EDNRA: variants seen among roughly 807,000 people sequenced by gnomAD.
The protein encoded by EDNRA is endothelin-1 receptor.
EDNRA carries 11 observed loss-of-function variants against 41.4 expected under a neutral mutation model. The ratio of observed to expected loss-of-function variants is 0.27; its 90% confidence interval spans 0.17 to 0.44. EDNRA has a LOEUF of 0.44. Among genes scored for constraint, EDNRA ranks in the 20% least tolerant of loss-of-function variants. The pLI, the probability that EDNRA is intolerant of heterozygous loss-of-function variation, is 1.00. For synonymous variants in EDNRA, 172 were observed against 183.0 expected, an observed-to-expected ratio of 0.94 and a Z score of 0.49; for missense variants, 294 against 531.0, an observed-to-expected ratio of 0.55 and a Z score of 4.39.
At chr4:147,481,597 G>A (rs1560888481) in intron 1 of EDNRA, among the ~76,000 whole-genome samples, 1 of 152,252 alleles carries the variant, frequency 6.6e-6, no homozygotes, top group Non-Finnish European at 1.5e-5. Flanking sequence ...CTGCGGACAC[G>A]TGTAGAGTTC....
At chr4:147,535,748 G>GC in intron 4 of EDNRA, 129 bp from the exon 5 acceptor site, 1 of 1,180,488 alleles carries the variant, frequency 8.5e-7, no homozygotes, top group South Asian at 1.6e-5. Context: ...ACCCATCACT[G>GC]CAACCAGAGA....
At chr4:147,481,966 G>A (rs1728776360) in intron 1 of EDNRA, among the ~76,000 whole-genome samples, 2 of 152,178 alleles carry the variant, frequency 1.3e-5, no homozygotes, top group South Asian at 2.1e-4. Context: ...TGCTTCTCAC[G>A]TGCAGAAAAC....
rs1731210660 is a variant in EDNRA at position 147,544,146 on chromosome 4, C to T, written c.*1528C>T. 1.3e-5 allele frequency: 2 copies of T among 152,608 alleles called. No homozygotes were observed. Among genetic ancestry groups the T allele is most frequent in the African/African-American group, 4.8e-5 (2 of 41,426 alleles). 9.5% of individuals were successfully genotyped at this position (152,608 alleles called of 1,614,324 possible). ...TGTGCCCCGCAGTTGTGCCAAAGTGCATAGTCTGAGTAAAATCTAGGTGAT... is the reference window on the plus strand; with the variant it reads ...TGTGCCCCGCAGTTGTGCCAAAGTGTATAGTCTGAGTAAAATCTAGGTGAT... On this transcript the variant is annotated 3_prime_UTR_variant, in exon 8 of 8. Coordinates refer to ENST00000651419, the MANE Select transcript of EDNRA (RefSeq NM_001957.4).
At chr4:147,504,447 C>T (rs1382313405) in intron 2 of EDNRA, among the ~76,000 whole-genome samples, 2 of 152,034 alleles carry the variant, frequency 1.3e-5, no homozygotes, top group Non-Finnish European at 2.9e-5. Flanking sequence ...TATCAAAAAA[C>T]TACATTCGTT....
intron 2 of EDNRA, among the ~76,000 whole-genome samples, chr4:147,517,458 G>GA (rs1171378701): frequency 6.6e-6 from 1 of 152,176 alleles, no homozygotes; most frequent in East Asian, 1.9e-4. Flanking sequence ...AGAGGAAAAG[G>GA]AAAAGAGGGG....
intron 2 of EDNRA, among the ~76,000 whole-genome samples, chr4:147,510,293 T>A (rs575773517): frequency 3.9e-5 from 6 of 152,216 alleles, no homozygotes; most frequent in Non-Finnish European, 7.3e-5. Context: ...CACTGTAGGC[T>A]GATTGTATTA....
chr4:147,535,322 G>T (rs1196179656), intron 4 of EDNRA, among the ~76,000 whole-genome samples: 1 of 152,146 alleles, frequency 6.6e-6, no homozygotes, highest in African/African-American at 2.4e-5. Flanking sequence ...AGCTATTGAA[G>T]TTCAAAGCGG....
chr4:147,508,637 A>G (rs1729813871), intron 2 of EDNRA, among the ~76,000 whole-genome samples: 1 of 152,198 alleles, frequency 6.6e-6, no homozygotes, highest in Non-Finnish European at 1.5e-5. Flanking sequence ...ATTTTTGTGT[A>G]TGATATGAGG....
At position 147,485,870 on chromosome 4, in the gene EDNRA, C is replaced by G; in HGVS notation, c.189C>G (p.Gly63=). 1 of 1,614,260 alleles carries G rather than the reference C, an allele frequency of 6.2e-7. No individual in the cohort carries two copies. Among genetic ancestry groups the G allele is most frequent in the Non-Finnish European group, 8.5e-7 (1 of 1,180,034 alleles). The change falls in exon 2 of 8, where the codon GGC becomes GGG. Residue 63 remains glycine (G), a synonymous_variant. Transcript: ENST00000651419. ...QPTNLVLPSN[G]SMHNYCPQQT... ...CTAATTTGGTCCTACCCAGCAATGG[C>G]TCAATGCACAACTATTGCCCACAGC... is the stretch of plus-strand genomic sequence containing the variant.
chr4:147,512,221 G>C (rs1455783425), intron 2 of EDNRA, among the ~76,000 whole-genome samples: 1 of 152,194 alleles, frequency 6.6e-6, no homozygotes, highest in African/African-American at 2.4e-5. Flanking sequence ...TTATTAAAAA[G>C]AGATATTCCT....
In EDNRA at chr4:147,486,030, G is replaced by A. The variant is rs374053080; in HGVS notation, c.349G>A (p.Ala117Thr). Reference protein sequence around the residue: ...QNKCMRNGPNALIASLALGDL... With the variant: ...QNKCMRNGPNTLIASLALGDL... ...CAAATGTATGAGGAATGGCCCCAAC[G>A]CGCTGATAGCCAGTCTTGCCCTTGG... The change falls in exon 2 of 8, where the codon GCG becomes ACG. Residue 117 changes from alanine (A) to threonine (T), a missense_variant. Physicochemically the swap from Ala to Thr is moderately conservative, Grantham distance 58. Transcript: ENST00000651419. This position sits in a 1 kb window ranked among gnomAD's most constrained non-coding sequence, Gnocchi z 4.3. 8.1e-6 allele frequency: 13 copies of A among 1,614,096 alleles called. No individual in the cohort carries two copies. In the Admixed American group the frequency reaches 1.0e-4, roughly 12 times the overall value.
rs1439161472 is a variant in EDNRA, at chr4:147,543,700, A to C, written c.*1082A>C. ...CTCCTATTCTCTTAATTTTTCTTAAAATGTTAACTGGCAGTAAGTCTTTTT... is the reference window on the plus strand; with the variant it reads ...CTCCTATTCTCTTAATTTTTCTTAACATGTTAACTGGCAGTAAGTCTTTTT... On this transcript the variant is annotated 3_prime_UTR_variant, in exon 8 of 8. Transcript: ENST00000651419. The C allele has an allele frequency of 6.6e-6, 1 of 152,584 alleles. No homozygotes were observed. Among genetic ancestry groups the C allele is most frequent in the East Asian group, 1.9e-4 (1 of 5,198 alleles). The allele number at this position is 152,584 out of a possible 1,614,324, so 9.5% of individuals were successfully genotyped here.
intron 2 of EDNRA, among the ~76,000 whole-genome samples, chr4:147,515,703 G>C (rs1182852660): frequency 6.6e-6 from 1 of 152,042 alleles, no homozygotes; most frequent in East Asian, 1.9e-4. Flanking sequence ...TTACTTTCTG[G>C]TTGTCAGGTA....
intron 3 of EDNRA, 108 bp downstream of exon 3, chr4:147,520,086 T>C: frequency 7.3e-7 from 1 of 1,372,584 alleles, no homozygotes; most frequent in Non-Finnish European, 9.9e-7. Context: ...TTGATTAGCT[T>C]CAAGTGAATT....
At chr4:147,494,361 G>T (rs1238887185) in intron 2 of EDNRA, 1 of 152,232 alleles carries the variant, frequency 6.6e-6, no homozygotes, top group Non-Finnish European at 1.5e-5. Flanking sequence ...GGAAAAGAGA[G>T]TGGAAAGAAG....
rs902173380 is a variant in EDNRA, at chr4:147,543,869, C to T, written c.*1251C>T. 6.6e-6 allele frequency: 1 copy of T among 152,552 alleles called. No homozygotes were observed. 9.4% of individuals were successfully genotyped at this position (152,552 alleles called of 1,614,324 possible). ...GGGTTTTCAGTATGAACCTAACTCC[C>T]CACCCCAACATCTCCCTCCCACATT... On this transcript the variant is annotated 3_prime_UTR_variant, in exon 8 of 8. Transcript: ENST00000651419.
intron 3 of EDNRA, among the ~76,000 whole-genome samples, chr4:147,530,730 G>A (rs1046584598): frequency 1.3e-5 from 2 of 152,066 alleles, no homozygotes; most frequent in Admixed American, 1.3e-4. Context: ...CTGTGTAAAT[G>A]TACTGAGACA....
At chr4:147,502,362 A>G (rs552541609) in intron 2 of EDNRA, among the ~76,000 whole-genome samples, 1 of 152,328 alleles carries the variant, frequency 6.6e-6, no homozygotes, top group South Asian at 2.1e-4. Flanking sequence ...TCAAATATAT[A>G]AACTCTAATT....
At chr4:147,528,766 G>A (rs959261795) in intron 3 of EDNRA, among the ~76,000 whole-genome samples, 1 of 152,206 alleles carries the variant, frequency 6.6e-6, no homozygotes, top group African/African-American at 2.4e-5. Flanking sequence ...TGGAGGGGGA[G>A]TTGGCAAACT....
Sources: allele counts gnomAD v4.1 joint callset (sites outside exome capture counted in the v4.1 genomes callset), GRCh38; gene constraint gnomAD v4.1.1; non-coding constraint Gnocchi (gnomAD v3.1); transcripts MANE v1.5; gene names NCBI Gene and HGNC (gene_info 2026-07-23, HGNC 2026-07-21).